The following ASTN1 variants were observed in gnomAD, a reference collection of about 807,000 sequenced individuals.
ASTN1 encodes astrotactin-1.
ASTN1 carries 41 observed loss-of-function variants against 140.7 expected under a neutral mutation model. That is an observed-to-expected ratio of 0.29 (90% CI 0.23 to 0.38). The LOEUF is 0.38. Among genes scored for constraint, ASTN1 ranks in the 10% least tolerant of loss-of-function variants. The pLI is 1.00. For missense variants in ASTN1, 1,479 were observed against 1,678.8 expected (o/e 0.88, Z 2.08); for synonymous variants, 640 against 652.2 (o/e 0.98, Z 0.29).
chr1:177,100,932 A>T (rs1044446955), intron 1 of ASTN1, among the ~76,000 whole-genome samples: 1 of 152,142 alleles, frequency 6.6e-6, no homozygotes, highest in Non-Finnish European at 1.5e-5. Flanking sequence ...GTCTCTAATA[A>T]AAATACAAAA....
chr1:177,029,279 T>C, intron 5 of ASTN1: 1 of 486,648 alleles, frequency 2.1e-6, no homozygotes, highest in Non-Finnish European at 4.2e-6. Context: ...ACATATAGTA[T>C]CCATCTTTTC....
chr1:176,871,372 C>T (rs1668337613), intron 21 of ASTN1, among the ~76,000 whole-genome samples: 1 of 152,112 alleles, frequency 6.6e-6, no homozygotes, highest in Admixed American at 6.5e-5. Flanking sequence ...CTCTCCCACC[C>T]CTGCACTGGT....
At chr1:176,998,054 G>T (rs920463005) in intron 8 of ASTN1, among the ~76,000 whole-genome samples, 3 of 152,122 alleles carry the variant, frequency 2.0e-5, no homozygotes, top group African/African-American at 7.2e-5. Flanking sequence ...GTGCCAGAAG[G>T]AGTCTATCCT....
intron 16 of ASTN1, among the ~76,000 whole-genome samples, chr1:176,900,130 C>T (rs901900509): frequency 6.6e-6 from 1 of 152,128 alleles, no homozygotes; most frequent in Non-Finnish European, 1.5e-5. Flanking sequence ...AAAACCAAAC[C>T]ATTTGTAAAC....
intron 1 of ASTN1, among the ~76,000 whole-genome samples, chr1:177,086,402 C>A (rs539998056): frequency 1.3e-5 from 2 of 152,010 alleles, no homozygotes; most frequent in East Asian, 3.9e-4. Flanking sequence ...ACAAATAAAC[C>A]AAACAACATC....
intron 1 of ASTN1, among the ~76,000 whole-genome samples, chr1:177,145,887 G>A (rs1157534763): frequency 2.0e-5 from 3 of 152,148 alleles, no homozygotes; most frequent in Non-Finnish European, 4.4e-5. Context: ...ATGGGAGTTA[G>A]GTCAGCAGTT....
Position 176,863,993 on chromosome 1 carries a change from G to GAA in ASTN1, c.*289_*290dup. 1.7e-6 allele frequency: 2 copies of GAA among 1,156,738 alleles called. No individual in the cohort carries two copies. Among genetic ancestry groups the GAA allele is most frequent in the Non-Finnish European group, 1.1e-6 (1 of 935,174 alleles). The allele number at this position is 1,156,738 out of a possible 1,614,324, so 71.7% of individuals were successfully genotyped here. A position where few individuals can be genotyped will look rare whatever the true frequency, so the allele number is the denominator to read the frequency against. On this transcript the variant is annotated 3_prime_UTR_variant, in exon 23 of 23. Coordinates refer to ENST00000361833, the MANE Select transcript of ASTN1 (RefSeq NM_004319.3). ...TGAGCATTTTGGTAAACTTCTCAGGGAAAAAAAAATGAATGGAACAAATTA... is the reference window on the plus strand; with the variant it reads ...TGAGCATTTTGGTAAACTTCTCAGGGAAAAAAAAAAATGAATGGAACAAATTA...
At chr1:176,911,963 T>A (rs1277448957) in intron 16 of ASTN1, among the ~76,000 whole-genome samples, 1 of 152,218 alleles carries the variant, frequency 6.6e-6, no homozygotes, top group Non-Finnish European at 1.5e-5. Flanking sequence ...GCTACATCAC[T>A]CAGTGGCAGA....
rs116553393 is a variant in ASTN1 at position 177,140,450 on chromosome 1, C to T, written c.283+23944G>A. Among the ~76,000 whole-genome samples the T allele has an allele frequency of 5.7e-3, 874 of 152,234 alleles. 8 individuals carry two copies. The highest frequency in any genetic ancestry group is 0.02 in the African/African-American group (838 of 41,524). ...ATAATCTTCTAAGTATAATGTGACC[C>T]AATTTACCACTTTATGGGAAACAAG... On this transcript the variant is annotated intron_variant, in intron 1 of 22. Coordinates refer to ENST00000361833, the MANE Select transcript of ASTN1 (RefSeq NM_004319.3).
At chr1:176,891,579 A>C (rs897585860) in intron 17 of ASTN1, among the ~76,000 whole-genome samples, 25 of 152,212 alleles carry the variant, frequency 1.6e-4, no homozygotes, top group African/African-American at 6.0e-4. Flanking sequence ...GGATCACCTG[A>C]GGTCGGGAGT....
chr1:177,031,313 G>C (rs1436099424), intron 3 of ASTN1, among the ~76,000 whole-genome samples: 2 of 152,144 alleles, frequency 1.3e-5, no homozygotes, highest in Non-Finnish European at 2.9e-5. Flanking sequence ...ATTTGAATTT[G>C]TGTGCATTCA....
chr1:177,033,763 G>A (rs1311828560), intron 2 of ASTN1, among the ~76,000 whole-genome samples: 1 of 152,158 alleles, frequency 6.6e-6, no homozygotes, highest in Admixed American at 6.5e-5. Flanking sequence ...ACACCTCGAA[G>A]GTCATTCCTT....
chr1:177,024,403 C>A (rs763817868), intron 6 of ASTN1, among the ~76,000 whole-genome samples, 180 bp downstream of exon 6: 2 of 152,132 alleles, frequency 1.3e-5, no homozygotes, highest in South Asian at 4.1e-4. Context: ...TATTTTTTAA[C>A]CTGTGTTCTA....
In ASTN1 at chr1:176,894,726, C is replaced by T; in HGVS notation, c.2776G>A (p.Ala926Thr). The T allele has an allele frequency of 6.2e-7, 1 of 1,614,138 alleles. No individual in the cohort carries two copies. Among genetic ancestry groups the T allele is most frequent in the Non-Finnish European group, 8.5e-7 (1 of 1,180,014 alleles). The change falls in exon 17 of 23, where the codon GCG becomes ACG. Residue 926 changes from alanine to threonine, a missense_variant. Transcript: ENST00000361833. ...TGGCACTCCATGCGGACTCCAGCCG[C>T]CATGTGCTTGGTGCCGGAGTCTGAC... is the stretch of plus-strand genomic sequence containing the variant. Reference protein sequence around the residue: ...SLSDSGTKHMAAGVRMECHSK... With the variant: ...SLSDSGTKHMTAGVRMECHSK...
intron 1 of ASTN1, among the ~76,000 whole-genome samples, chr1:177,088,277 G>A (rs1297615199): frequency 6.6e-6 from 1 of 152,132 alleles, no homozygotes; most frequent in African/African-American, 2.4e-5. Context: ...CGGCTACCTT[G>A]GTGAAGCCAG....
At chr1:177,002,263 T>C (rs1337045965) in intron 8 of ASTN1, among the ~76,000 whole-genome samples, 3 of 152,114 alleles carry the variant, frequency 2.0e-5, no homozygotes, top group Admixed American at 1.3e-4. Flanking sequence ...TTGAAGTTCA[T>C]TGTGGTTTAA....
chr1:176,921,536 A>G (rs1670724185), intron 16 of ASTN1, among the ~76,000 whole-genome samples: 1 of 152,252 alleles, frequency 6.6e-6, no homozygotes, highest in Non-Finnish European at 1.5e-5. Context: ...AAAAGGTAGT[A>G]AAAGAAAGAC....
At chr1:176,909,765 A>G (rs1670150709) in intron 16 of ASTN1, among the ~76,000 whole-genome samples, 1 of 152,188 alleles carries the variant, frequency 6.6e-6, no homozygotes, top group South Asian at 2.1e-4. Context: ...TAATTTTCAC[A>G]GAGAAGAGAA....
At chr1:176,934,994 C>A (rs531796652) in intron 15 of ASTN1, among the ~76,000 whole-genome samples, 209 of 152,246 alleles carry the variant, frequency 1.4e-3, no homozygotes, top group South Asian at 4.1e-3. Context: ...TGGGAAATGA[C>A]AAATGGAAGA....
Sources: gnomAD v4.1 joint callset for allele counts (sites outside exome capture counted in the v4.1 genomes callset) on GRCh38, gnomAD v4.1.1 for gene constraint, MANE v1.5 for transcripts, NCBI Gene and HGNC (gene_info 2026-07-23, HGNC 2026-07-21) for gene names.